The following COG5 variants were observed in gnomAD, a reference collection of about 807,000 sequenced individuals.
The protein encoded by COG5 is conserved oligomeric Golgi complex subunit 5.
A neutral mutation model predicts 110.4 loss-of-function variants in COG5; 86 were observed. The ratio of observed to expected loss-of-function variants is 0.78; its 90% CI spans 0.65 to 0.93. The LOEUF (loss-of-function observed/expected upper bound fraction) is 0.93, where lower values mean the gene tolerates loss of function less well. Among genes scored for constraint, COG5 ranks in the 40% least tolerant of loss-of-function variants. The pLI, the probability that COG5 is intolerant of heterozygous loss-of-function variation, is 0.00. For missense variants in COG5, 1,077 were observed against 987.0 expected (o/e 1.09, Z -1.22); for synonymous variants, 360 against 334.6 (o/e 1.08, Z -0.83).
At chr7:107,271,798 T>A (rs548547156) in intron 14 of COG5, among the ~76,000 whole-genome samples, 31 of 152,286 alleles carry the variant, frequency 2.0e-4, no homozygotes, top group Admixed American at 5.9e-4. Context: ...TTTGCCCTTT[T>A]TTTTCCTCTT....
intron 7 of COG5, among the ~76,000 whole-genome samples, chr7:107,404,008 T>C (rs1791630408): frequency 6.6e-6 from 1 of 152,124 alleles, no homozygotes; most frequent in Non-Finnish European, 1.5e-5. Context: ...AAAGTAACAA[T>C]TTAGTTTTTA....
chr7:107,506,827 T>G (rs949772570), intron 6 of COG5, among the ~76,000 whole-genome samples: 1 of 152,208 alleles, frequency 6.6e-6, no homozygotes, highest in South Asian at 2.1e-4. Flanking sequence ...ACTCACCCTC[T>G]GGTTCTGGCC....
intron 7 of COG5, among the ~76,000 whole-genome samples, chr7:107,377,482 G>T (rs902288626): frequency 3.3e-5 from 5 of 151,878 alleles, no homozygotes; most frequent in African/African-American, 1.2e-4. Context: ...AGTCTTGTTG[G>T]TATTTATCAA....
At chr7:107,394,251 C>T (rs1187077852) in intron 7 of COG5, among the ~76,000 whole-genome samples, 1 of 151,118 alleles carries the variant, frequency 6.6e-6, no homozygotes, top group African/African-American at 2.4e-5. Context: ...GCGTGAGCCA[C>T]CATGCCTGGC....
chr7:107,538,520 T>C (rs1563089548), intron 5 of COG5, among the ~76,000 whole-genome samples: 1 of 152,148 alleles, frequency 6.6e-6, no homozygotes, highest in African/African-American at 2.4e-5. Context: ...TGCGTCCTAG[T>C]TTTGTGTGGC....
intron 12 of COG5, among the ~76,000 whole-genome samples, chr7:107,293,794 A>G (rs1806365814): frequency 6.6e-6 from 1 of 152,140 alleles, no homozygotes; most frequent in African/African-American, 2.4e-5. Flanking sequence ...TGATGATGGC[A>G]GGGTGCGGTG....
rs1191291122 is a variant in COG5, at chr7:107,344,297, TTTTATG to T, written c.1026+17730_1026+17735del. On this transcript the variant is annotated intron_variant, in intron 10 of 21. Coordinates refer to ENST00000297135, the MANE Select transcript of COG5 (RefSeq NM_006348.5). ...TAGCACTTGCTGCTTCACGTTGTAT[TTTTATG>T]TTACAGGAGTAGCTTTTTTCCCTTA... 3.3e-5 allele frequency among the ~76,000 whole-genome samples: 5 copies of T among 152,328 alleles called. No individual in the cohort carries two copies. In the East Asian group the frequency reaches 9.6e-4, roughly 29 times the overall value.
At chr7:107,454,216 C>T (rs1795525885) in intron 6 of COG5, among the ~76,000 whole-genome samples, 1 of 152,072 alleles carries the variant, frequency 6.6e-6, no homozygotes, top group South Asian at 2.1e-4. Context: ...AACATGAATA[C>T]AATCCTTGAA....
At chr7:107,561,367 G>A (rs1237500993) in intron 1 of COG5, among the ~76,000 whole-genome samples, 1 of 152,178 alleles carries the variant, frequency 6.6e-6, no homozygotes, top group Non-Finnish European at 1.5e-5. Context: ...TGGGGGTGGA[G>A]GGGCAACAGA....
chr7:107,311,070 A>G (rs1266447239), intron 11 of COG5, among the ~76,000 whole-genome samples: 1 of 152,246 alleles, frequency 6.6e-6, no homozygotes, highest in Non-Finnish European at 1.5e-5. Flanking sequence ...ATCATGCAAC[A>G]AATAGCCCGG....
At chr7:107,445,355 C>T (rs1483945874) in intron 6 of COG5, among the ~76,000 whole-genome samples, 1 of 152,082 alleles carries the variant, frequency 6.6e-6, no homozygotes, top group Non-Finnish European at 1.5e-5. Flanking sequence ...ATACAATATC[C>T]TCAACTAAAA....
intron 2 of COG5, among the ~76,000 whole-genome samples, chr7:107,557,657 T>C (rs1006854150): frequency 6.6e-6 from 1 of 152,250 alleles, no homozygotes; most frequent in Non-Finnish European, 1.5e-5. Flanking sequence ...CTTATTCATA[T>C]TGTTTTACTT....
At chr7:107,266,706 C>A (rs1353714189) in intron 14 of COG5, among the ~76,000 whole-genome samples, 1 of 152,002 alleles carries the variant, frequency 6.6e-6, no homozygotes, top group African/African-American at 2.4e-5. Flanking sequence ...CTTGGTCTAA[C>A]TTGCTTTGAA....
At chr7:107,449,951 A>C (rs1028035184) in intron 6 of COG5, 2 of 152,212 alleles carry the variant, frequency 1.3e-5, no homozygotes, top group Non-Finnish European at 2.9e-5. Flanking sequence ...AACTTAAAGC[A>C]AAAAGAAGGT....
chr7:107,409,687 A>G (rs115213435), intron 7 of COG5, among the ~76,000 whole-genome samples: 5,166 of 152,290 alleles, frequency 0.034, 307 homozygotes, highest in African/African-American at 0.12. Flanking sequence ...AAAGCAAAGT[A>G]AAGAAGCAGG....
intron 12 of COG5, among the ~76,000 whole-genome samples, chr7:107,295,524 C>T (rs1806666730): frequency 1.3e-5 from 2 of 151,968 alleles, no homozygotes; most frequent in Admixed American, 1.3e-4. Context: ...GGGCCTGATT[C>T]CATTCATTTT....
chr7:107,558,368 TG>T lies in COG5; in HGVS notation c.95-254del, dbSNP rs1358246001. Among the ~76,000 whole-genome samples, 18 of 142,218 alleles carry T rather than the reference TG, an allele frequency of 1.3e-4. No homozygotes were observed. The East Asian group carries it at 3.2e-3, about 25-fold the overall frequency. 93.3% of individuals were successfully genotyped at this position (142,218 alleles called of 152,430 possible). A position where few individuals can be genotyped will look rare whatever the true frequency, so the allele number is the denominator to read the frequency against. On this transcript the variant is annotated intron_variant, in intron 1 of 21. Transcript: ENST00000297135. ...ATCCCAGCACTTTGGGAGGCCGAGG[TG>T]GGTGGATCACCTGAGGTCAGGTGTT...
At position 107,372,716 on chromosome 7, in the gene COG5, A is replaced by G. The variant is rs1354912610; in HGVS notation, c.714T>C (p.Leu238=). 6.2e-7 allele frequency: 1 copy of G among 1,613,586 alleles called. No individual in the cohort carries two copies. The highest frequency in any genetic ancestry group is 1.7e-5 in the Admixed American group (1 of 59,966). The change falls in exon 8 of 22, where the codon CTT becomes CTC. Residue 238 remains leucine, a synonymous_variant. Transcript: ENST00000297135. ...TGGTAATAGTATCCTTCAAAGTTCC[A>G]AGATTATAGAAAACCTGAAGAGCTG... The part of the protein sequence containing the change: ...VGTALQVFYN[L]GTLKDTITSV...
chr7:107,458,070 CA>C (rs1795773762), intron 6 of COG5, among the ~76,000 whole-genome samples: 1 of 152,028 alleles, frequency 6.6e-6, no homozygotes, highest in Non-Finnish European at 1.5e-5. Flanking sequence ...CATCAGAAAC[CA>C]AGCATGCCAT....
Sources: allele counts gnomAD v4.1 joint callset (sites outside exome capture counted in the v4.1 genomes callset), GRCh38; gene constraint gnomAD v4.1.1; transcripts MANE v1.5; gene names NCBI Gene and HGNC (gene_info 2026-07-23, HGNC 2026-07-21).